CHCHD3: variants seen among roughly 807,000 people sequenced by gnomAD.
CHCHD3 encodes coiled-coil-helix-coiled-coil-helix domain containing 3.
In CHCHD3, 20 loss-of-function variants were observed where a neutral mutation model predicts 38.2. The observed-to-expected ratio is 0.52, with a 90% CI of 0.37 to 0.76. The LOEUF (loss-of-function observed/expected upper bound fraction) is 0.76. Ranked by LOEUF, CHCHD3 falls within the 30% of genes least tolerant of loss-of-function variation. The pLI is 0.00. For synonymous variants in CHCHD3, 82 were observed against 100.0 expected (o/e 0.82, Z 1.07); for missense variants, 245 against 279.2 (o/e 0.88, Z 0.87).
intron 3 of CHCHD3, among the ~76,000 whole-genome samples, chr7:133,009,683 A>T (rs1387274189): frequency 6.6e-6 from 1 of 152,218 alleles, no homozygotes; most frequent in African/African-American, 2.4e-5. Context: ...TCATGAGGGC[A>T]AAAGTATATG....
chr7:133,066,853 A>G (rs1335613842), intron 2 of CHCHD3, among the ~76,000 whole-genome samples: 1 of 152,210 alleles, frequency 6.6e-6, no homozygotes, highest in Non-Finnish European at 1.5e-5. Flanking sequence ...AATTACTTAT[A>G]GACAACGGGT....
intron 2 of CHCHD3, among the ~76,000 whole-genome samples, chr7:133,063,242 G>C (rs141498701): frequency 6.6e-6 from 1 of 152,126 alleles, no homozygotes; most frequent in Non-Finnish European, 1.5e-5. Context: ...TCCTAGGCCT[G>C]GGGAGAAAAG....
At chr7:132,965,048 C>T (rs1562923510) in intron 4 of CHCHD3, among the ~76,000 whole-genome samples, 1 of 118,194 alleles carries the variant, frequency 8.5e-6, no homozygotes, top group South Asian at 3.3e-4. Context: ...GCTCATAATG[C>T]TATGGGTTTT....
At chr7:133,057,429 C>T (rs1814374691) in intron 2 of CHCHD3, among the ~76,000 whole-genome samples, 1 of 152,016 alleles carries the variant, frequency 6.6e-6, no homozygotes, top group Non-Finnish European at 1.5e-5. Context: ...AGTGTGGGGG[C>T]ACCTGCCTGT....
chr7:132,837,236 CAA>C (rs1807807945), intron 6 of CHCHD3, among the ~76,000 whole-genome samples: 1 of 150,926 alleles, frequency 6.6e-6, no homozygotes, highest in Non-Finnish European at 1.5e-5. Flanking sequence ...GGGATAGAGA[CAA>C]AAAAAGGTTT....
chr7:132,810,653 C>T (rs934525844), intron 6 of CHCHD3, among the ~76,000 whole-genome samples: 1 of 152,124 alleles, frequency 6.6e-6, no homozygotes, highest in Non-Finnish European at 1.5e-5. Flanking sequence ...ATGATTTCTA[C>T]GTAAAGGGAT....
chr7:132,820,621 T>TG (rs1554496438), intron 6 of CHCHD3, among the ~76,000 whole-genome samples: 3 of 150,198 alleles, frequency 2.0e-5, no homozygotes, highest in African/African-American at 4.9e-5. Context: ...GTTTTTTTTT[T>TG]TTTTTTTTTT....
chr7:132,919,006 A>T (rs1300519134), intron 4 of CHCHD3, among the ~76,000 whole-genome samples: 1 of 149,986 alleles, frequency 6.7e-6, no homozygotes, highest in Admixed American at 6.7e-5. Context: ...TTTCTCCACG[A>T]GGTAGATTCT....
intron 5 of CHCHD3, among the ~76,000 whole-genome samples, chr7:132,877,217 C>T (rs773181362): frequency 6.6e-6 from 1 of 152,136 alleles, no homozygotes; most frequent in Non-Finnish European, 1.5e-5. Context: ...TGAAAAGCAG[C>T]TCAAGGTTAC....
At chr7:132,937,831 G>C (rs1366924201) in intron 4 of CHCHD3, among the ~76,000 whole-genome samples, 7 of 152,210 alleles carry the variant, frequency 4.6e-5, no homozygotes, top group Admixed American at 4.6e-4. Flanking sequence ...CTTTGTTACT[G>C]ATTAAGATTT....
chr7:132,946,512 GCAAA>G (rs918014474), intron 4 of CHCHD3, among the ~76,000 whole-genome samples: 1 of 151,634 alleles, frequency 6.6e-6, no homozygotes, highest in African/African-American at 2.4e-5. Flanking sequence ...GTAGGGAATG[GCAAA>G]CATTAAACTT....
chr7:133,001,830 G>A lies in CHCHD3; in HGVS notation c.251+22716C>T, dbSNP rs182313571. On this transcript the variant is annotated intron_variant, in intron 3 of 7. Coordinates refer to ENST00000262570, the MANE Select transcript of CHCHD3 (RefSeq NM_017812.4). ...TCTGAAATGAATGAATACACAGATGGATGCGATAGATAATCATTTTTACAG... is the reference window on the plus strand; with the variant it reads ...TCTGAAATGAATGAATACACAGATGAATGCGATAGATAATCATTTTTACAG... Among the ~76,000 whole-genome samples the A allele has an allele frequency of 5.3e-5, 8 of 152,314 alleles. No homozygotes were observed. The South Asian group carries it at 6.2e-4, about 12-fold the overall frequency.
At chr7:132,926,070 T>C (rs947377211) in intron 4 of CHCHD3, among the ~76,000 whole-genome samples, 6 of 152,294 alleles carry the variant, frequency 3.9e-5, no homozygotes, top group African/African-American at 1.2e-4. Context: ...GATTTAGCTG[T>C]AGACCATGGC....
chr7:133,000,752 C>T (rs1458928561), intron 3 of CHCHD3, among the ~76,000 whole-genome samples: 1 of 152,080 alleles, frequency 6.6e-6, no homozygotes, highest in Non-Finnish European at 1.5e-5. Flanking sequence ...AAAATATTAT[C>T]AACATGTAAT....
intron 4 of CHCHD3, among the ~76,000 whole-genome samples, chr7:132,962,974 T>C (rs983218761): frequency 3.3e-5 from 5 of 151,884 alleles, no homozygotes; most frequent in African/African-American, 4.8e-5. Flanking sequence ...ATTGAGAAAA[T>C]TGACAAAATT....
At chr7:133,070,616 A>G (rs1454824725) in intron 1 of CHCHD3, among the ~76,000 whole-genome samples, 2 of 152,054 alleles carry the variant, frequency 1.3e-5, no homozygotes, top group Non-Finnish European at 2.9e-5. Flanking sequence ...GTCCCGAAGG[A>G]AAGTGTTCCT....
At chr7:133,063,093 A>G (rs766911365) in intron 2 of CHCHD3, among the ~76,000 whole-genome samples, 5 of 152,226 alleles carry the variant, frequency 3.3e-5, no homozygotes, top group Admixed American at 6.5e-5. Flanking sequence ...CACGGAATAC[A>G]AAACACATTG....
chr7:132,928,745 T>C (rs1321559842), intron 4 of CHCHD3, among the ~76,000 whole-genome samples: 1 of 152,088 alleles, frequency 6.6e-6, no homozygotes, highest in African/African-American at 2.4e-5. Flanking sequence ...CGTAGAAGGA[T>C]ACAAAATATC....
intron 2 of CHCHD3, among the ~76,000 whole-genome samples, chr7:133,026,196 A>G (rs1405274182): frequency 2.0e-5 from 3 of 152,256 alleles, no homozygotes; most frequent in African/African-American, 7.2e-5. Flanking sequence ...AATAATAAAA[A>G]GACAACTCAA....
Sources: gnomAD v4.1 joint callset for allele counts (sites outside exome capture counted in the v4.1 genomes callset) on GRCh38, gnomAD v4.1.1 for gene constraint, MANE v1.5 for transcripts, NCBI Gene and HGNC (gene_info 2026-07-23, HGNC 2026-07-21) for gene names.